Variants in STK33 observed in about 807,000 individuals in gnomAD.
STK33 encodes the protein serine/threonine-protein kinase 33.
STK33 carries 52 observed loss-of-function variants against 58.0 expected under a neutral mutation model. The observed-to-expected ratio is 0.90, with a 90% confidence interval of 0.72 to 1.13. The LOEUF is 1.13. Among genes scored for constraint, STK33 ranks in the 50% most tolerant of loss-of-function variants. The pLI is 0.00. For missense variants in STK33, 630 were observed against 604.2 expected, an observed-to-expected ratio of 1.04 and a Z score of -0.45; for synonymous variants, 215 against 200.1, an observed-to-expected ratio of 1.07 and a Z score of -0.63.
chr11:8,489,786 T>C (rs1326906040), intron 1 of STK33, among the ~76,000 whole-genome samples: 4 of 152,120 alleles, frequency 2.6e-5, no homozygotes, highest in African/African-American at 9.7e-5. Flanking sequence ...TAAATAGCAA[T>C]TCTGGAGTTA....
At chr11:8,550,381 G>C (rs1956224291) in intron 1 of STK33, among the ~76,000 whole-genome samples, 1 of 151,888 alleles carries the variant, frequency 6.6e-6, no homozygotes, top group Non-Finnish European at 1.5e-5. Context: ...TCCTGACCTT[G>C]TGATCCACCC....
In STK33 at chr11:8,450,786, GA is replaced by G. The variant is rs542297930; in HGVS notation, c.871+2035del. ...GCAGTACATTAAACCATGTGAGGTTGAATTTAAATGTGCAAGGATGGTTCAA... is the reference window on the plus strand; with the variant it reads ...GCAGTACATTAAACCATGTGAGGTTGATTTAAATGTGCAAGGATGGTTCAA... On this transcript the variant is annotated intron_variant, in intron 11 of 15. Coordinates refer to ENST00000687296, the MANE Select transcript of STK33 (RefSeq NM_001352389.2). 3.7e-3 allele frequency among the ~76,000 whole-genome samples: 570 copies of G among 152,230 alleles called. 3 individuals carry two copies. Among genetic ancestry groups the G allele is most frequent in the African/African-American group, 0.013 (543 of 41,552 alleles).
downstream of STK33, among the ~76,000 whole-genome samples, chr11:8,388,657 G>A (rs1362837160): frequency 1.3e-5 from 2 of 152,174 alleles, no homozygotes; most frequent in Middle Eastern, 3.2e-3. Flanking sequence ...TGCTTCCTGG[G>A]CTCCACGGGG....
intron 1 of STK33, among the ~76,000 whole-genome samples, chr11:8,584,178 C>G (rs1166781012): frequency 2.0e-5 from 3 of 151,246 alleles, no homozygotes; most frequent in Non-Finnish European, 4.4e-5. Context: ...AGACCAAAAT[C>G]TGGGACTTTG....
chr11:8,504,637 T>C (rs1178382805), intron 1 of STK33, among the ~76,000 whole-genome samples: 1 of 151,332 alleles, frequency 6.6e-6, no homozygotes, highest in Non-Finnish European at 1.5e-5. Context: ...AAATAAAAAA[T>C]AAAAATAAAA....
the STK33 span, among the ~76,000 whole-genome samples, chr11:8,371,632 CCTTCTTT>C: frequency 3.9e-5 from 4 of 103,616 alleles, no homozygotes; most frequent in African/African-American, 1.2e-4. Flanking sequence ...TTCCTTCCTT[CCTTCTTT>C]CTTCCTTTCT....
chr11:8,337,648 G>C, the STK33 span, among the ~76,000 whole-genome samples: 34 of 148,820 alleles, frequency 2.3e-4, no homozygotes, highest in East Asian at 1.6e-3. Flanking sequence ...CGGGGGGCGG[G>C]GGGGGGGCCC....
Position 8,461,153 on chromosome 11 carries a change from T to C in STK33, c.558+652A>G, listed in dbSNP as rs115036362. 3.1e-3 allele frequency among the ~76,000 whole-genome samples: 474 copies of C among 152,286 alleles called. 4 individuals are homozygous for C. The highest frequency in any genetic ancestry group is 0.011 in the African/African-American group (457 of 41,550). On this transcript the variant is annotated intron_variant, in intron 8 of 15. Transcript: ENST00000687296. ...TAACTAAGAAGTGGTGGAGCCAGGA[T>C]TCAAATGCACAGGCAATATGATTCC...
At position 8,429,951 on chromosome 11, in the gene STK33, A is replaced by G. The variant is rs143839276; in HGVS notation, c.1146+5543T>C. 2.2e-3 allele frequency among the ~76,000 whole-genome samples: 331 copies of G among 152,274 alleles called. 3 individuals carry two copies. The East Asian group carries it at 0.028, about 13-fold the overall frequency. ...TACTACATTCGAGTTCTTCCCTCAG[A>G]ATCTAGTCACTATCTCTAGCCCACA... is the stretch of plus-strand genomic sequence containing the variant. On this transcript the variant is annotated intron_variant, in intron 14 of 15. Coordinates refer to ENST00000687296, the MANE Select transcript of STK33 (RefSeq NM_001352389.2).
chr11:8,452,825 T>C lies in STK33; in HGVS notation c.868A>G (p.Met290Val). 6.2e-7 allele frequency: 1 copy of C among 1,613,702 alleles called. No homozygotes were observed. Among genetic ancestry groups the C allele is most frequent in the Non-Finnish European group, 8.5e-7 (1 of 1,179,686 alleles). Residue 290 changes from methionine (M) to valine (V), a missense_variant, in exon 11 of 16, where the codon ATG (methionine) becomes GTG (valine). Met to Val is a conservative substitution (Grantham distance 21). Coordinates refer to ENST00000687296, the MANE Select transcript of STK33 (RefSeq NM_001352389.2). ...AATTTTAAGTCTACTAACTTACCCA[T>C]ATAGATAGGAGTCCCACATGTGGCC... Reference protein sequence around the residue: ...LQATCGTPIYMAPEVISAHDY... With the variant: ...LQATCGTPIYVAPEVISAHDY...
chr11:8,445,155 T>C (rs1469087464), intron 11 of STK33, among the ~76,000 whole-genome samples: 1 of 152,224 alleles, frequency 6.6e-6, no homozygotes, highest in African/African-American at 2.4e-5. Flanking sequence ...CAACTGTGAA[T>C]GGGAGTTCCC....
At chr11:8,492,525 T>C (rs895185264) in intron 1 of STK33, among the ~76,000 whole-genome samples, 2 of 152,142 alleles carry the variant, frequency 1.3e-5, no homozygotes, top group Non-Finnish European at 2.9e-5. Context: ...ACTGTCAATA[T>C]TAGACAGATC....
At chr11:8,410,710 T>C (rs1940099881) in intron 15 of STK33, among the ~76,000 whole-genome samples, 1 of 152,104 alleles carries the variant, frequency 6.6e-6, no homozygotes, top group Non-Finnish European at 1.5e-5. Flanking sequence ...TGACCTCAGG[T>C]GATCCACCCA....
the STK33 span, among the ~76,000 whole-genome samples, chr11:8,373,297 G>T: frequency 6.6e-6 from 1 of 152,176 alleles, no homozygotes; most frequent in Non-Finnish European, 1.5e-5. Flanking sequence ...TCAAGGGGTT[G>T]GGGAACAGAC....
intron 1 of STK33, among the ~76,000 whole-genome samples, chr11:8,525,137 T>C (rs984475114): frequency 6.6e-6 from 1 of 152,166 alleles, no homozygotes; most frequent in African/African-American, 2.4e-5. Context: ...GGACATACTA[T>C]GTTCATAGAT....
intron 1 of STK33, among the ~76,000 whole-genome samples, chr11:8,482,775 G>T (rs918372141): frequency 1.3e-5 from 2 of 151,524 alleles, no homozygotes; most frequent in South Asian, 4.2e-4. Context: ...TGTCACCCAG[G>T]CTGGAGTGCA....
intron 1 of STK33, among the ~76,000 whole-genome samples, chr11:8,569,219 G>GGAAGACTCACACTACCTTGTTT (rs1375547852): frequency 6.6e-6 from 1 of 152,122 alleles, no homozygotes; most frequent in Non-Finnish European, 1.5e-5. Context: ...TAACAAAATT[G>GGAAGACTCACACTACCTTGTTT]GAAGACTCAC....
chr11:8,432,247 G>A (rs1285457966), intron 14 of STK33, among the ~76,000 whole-genome samples: 2 of 152,118 alleles, frequency 1.3e-5, no homozygotes, highest in Admixed American at 6.5e-5. Context: ...AAATACCTGG[G>A]GAACTTGTTA....
At chr11:8,396,202 C>T (rs1305332797) in intron 15 of STK33, among the ~76,000 whole-genome samples, 1 of 152,170 alleles carries the variant, frequency 6.6e-6, no homozygotes, top group East Asian at 1.9e-4. Context: ...CTCCCGGGTT[C>T]AAGTGATTCT....
Sources: gnomAD v4.1 joint callset for allele counts (sites outside exome capture counted in the v4.1 genomes callset) on GRCh38, gnomAD v4.1.1 for gene constraint, MANE v1.5 for transcripts, NCBI Gene and HGNC (gene_info 2026-07-23, HGNC 2026-07-21) for gene names.